The following CCNT2 variants were observed in gnomAD, a reference collection of about 807,000 sequenced individuals.
The protein encoded by CCNT2 is cyclin T2, also known as cyclin-T2.
A neutral mutation model predicts 70.0 loss-of-function variants in CCNT2; 18 were observed. That is an observed-to-expected ratio of 0.26 (90% CI 0.18 to 0.38). The LOEUF is 0.38. Among genes scored for constraint, CCNT2 ranks in the 10% least tolerant of loss-of-function variants. The probability of loss-of-function intolerance (pLI) is 1.00; values close to 1 mark genes in which losing one functional copy is unlikely to be tolerated. For missense variants in CCNT2, 734 were observed against 890.2 expected (o/e 0.82, Z 2.23); for synonymous variants, 334 against 313.3 (o/e 1.07, Z -0.70).
chr2:134,953,087 CAACAT>C (rs1682647368), intron 8 of CCNT2, 138 bp from the exon 9 acceptor site: 2 of 588,554 alleles, frequency 3.4e-6, no homozygotes, highest in Non-Finnish European at 2.9e-6. Flanking sequence ...TATTTACTGA[CAACAT>C]AAAATCTTGA....
intron 2 of CCNT2, among the ~76,000 whole-genome samples, chr2:134,933,458 G>T (rs566980591): frequency 6.6e-6 from 1 of 152,248 alleles, no homozygotes; most frequent in South Asian, 2.1e-4. Flanking sequence ...ATCAGGAGCA[G>T]AGAGGGGAGA....
chr2:134,953,827 G>C lies in CCNT2; in HGVS notation c.1372G>C (p.Ala458Pro), dbSNP rs754397222. The change falls in exon 9 of 9, where the codon GCT becomes CCT. Residue 458 changes from alanine (A) to proline (P), a missense_variant. Physicochemically the swap from Ala to Pro is conservative, Grantham distance 27. Around this residue, in one of 3 missense-constraint regions of CCNT2, gnomAD observed 532 missense variants for 556.9 expected, o/e 0.96. Transcript: ENST00000264157. ...TCTCGATGTAAGGGATCATTATATA[G>C]CTGCCCAGGTAGAACAGCAGCACAA... The part of the protein sequence containing the change: ...LDLDVRDHYI[A>P]AQVEQQHKQG... 7.4e-6 allele frequency: 12 copies of C among 1,613,932 alleles called. No homozygotes were observed. Among genetic ancestry groups the C allele is most frequent in the Non-Finnish European group, 1.0e-5 (12 of 1,179,966 alleles).
At chr2:134,929,608 A>AG (rs1239156447) in intron 2 of CCNT2, among the ~76,000 whole-genome samples, 2 of 126,096 alleles carry the variant, frequency 1.6e-5, no homozygotes, top group African/African-American at 6.6e-5. Context: ...ACCCTGTCTC[A>AG]AAAACAGAGA....
In CCNT2 at chr2:134,942,626, A is replaced by G. The variant is rs1232922049; in HGVS notation, c.445A>G (p.Ile149Val). The G allele has an allele frequency of 1.2e-6, 2 of 1,610,978 alleles. No individual in the cohort carries two copies. The highest frequency in any genetic ancestry group is 1.3e-5 in the African/African-American group (1 of 74,854). The change falls in exon 5 of 9, where the codon ATT becomes GTT. Residue 149 changes from isoleucine (I) to valine (V), a missense_variant. Ile to Val is a conservative substitution (Grantham distance 29). This residue lies in a region of CCNT2 where 161 missense variants were observed against 303.8 expected (regional missense o/e 0.53). Coordinates refer to ENST00000264157, the MANE Select transcript of CCNT2 (RefSeq NM_058241.3). ...TATCATTTCAGGTTTTGAGATCACC[A>G]TTGAACACCCACACACAGATGTGGT... The part of the protein sequence containing the change: ...MLQTLGFEIT[I>V]EHPHTDVVKC...
At position 134,953,805 on chromosome 2, in the gene CCNT2, C is replaced by T. The variant is rs775650354; in HGVS notation, c.1350C>T (p.Leu450=). 6 of 1,613,644 alleles carry T rather than the reference C, an allele frequency of 3.7e-6. No individual in the cohort carries two copies. Among genetic ancestry groups the T allele is most frequent in the South Asian group, 1.1e-5 (1 of 91,062 alleles). The change falls in exon 9 of 9, where the codon CTC becomes CTT. Residue 450 remains leucine (L), a synonymous_variant. Transcript: ENST00000264157. The part of the protein sequence containing the change: ...REKRKLETLD[L]DVRDHYIAAQ... ...AGCGTAAACTAGAAACTCTTGATCT[C>T]GATGTAAGGGATCATTATATAGCTG... is the stretch of plus-strand genomic sequence containing the variant.
At chr2:134,938,496 A>G (rs1224623093) in intron 3 of CCNT2, among the ~76,000 whole-genome samples, 4 of 152,280 alleles carry the variant, frequency 2.6e-5, no homozygotes, top group Non-Finnish European at 5.9e-5. Flanking sequence ...TATGAGATAC[A>G]TTATTTTGGT....
At chr2:134,951,051 T>G (rs1682464423) in intron 7 of CCNT2, among the ~76,000 whole-genome samples, 1 of 151,970 alleles carries the variant, frequency 6.6e-6, no homozygotes, top group Non-Finnish European at 1.5e-5. Context: ...TTTTTTTTCT[T>G]TTTTTTTCAA....
At position 134,954,515 on chromosome 2, in the gene CCNT2, T is replaced by C. The variant is rs980823069; in HGVS notation, c.2060T>C (p.Leu687Pro). The C allele has an allele frequency of 2.5e-6, 4 of 1,614,032 alleles. No homozygotes were observed. The African/African-American group carries it at 5.3e-5, about 22-fold the overall frequency. The change falls in exon 9 of 9, where the codon CTG (leucine) becomes CCG (proline). Residue 687 changes from leucine to proline, a missense_variant. Leu to Pro is a moderately conservative substitution (Grantham distance 98). Coordinates refer to ENST00000264157, the MANE Select transcript of CCNT2 (RefSeq NM_058241.3). ...GGACATCTCAGCACCCTCGTGAAAC[T>C]GGACAAGAAGCCAGTGGAGACCAAC... The part of the protein sequence containing the change: ...GYGHLSTLVK[L>P]DKKPVETNGP...
intron 2 of CCNT2, among the ~76,000 whole-genome samples, chr2:134,929,632 A>G (rs1465913767): frequency 2.2e-5 from 3 of 134,446 alleles, no homozygotes; most frequent in Non-Finnish European, 3.1e-5. Context: ...AGAGAGAGAG[A>G]GAGAACTAAT....
At chr2:134,928,304 G>GTTTTTTTTTTTTT (rs1680456120) in intron 2 of CCNT2, among the ~76,000 whole-genome samples, 1 of 97,710 alleles carries the variant, frequency 1.0e-5, no homozygotes, top group Non-Finnish European at 2.0e-5. Context: ...CTGAGACGGA[G>GTTTTTTTTTTTTT]TTTCATTCTT....
rs1330355982 is a variant in CCNT2, at chr2:134,953,172, A to G, written c.775-58A>G. 3 of 1,228,632 alleles carry G rather than the reference A, an allele frequency of 2.4e-6. No individual in the cohort carries two copies. In the African/African-American group the frequency reaches 4.6e-5, roughly 19 times the overall value. 76.1% of individuals were successfully genotyped at this position (1,228,632 alleles called of 1,614,324 possible). A position where few individuals can be genotyped will look rare whatever the true frequency, so the allele number is the denominator to read the frequency against. ...TAATATATAACTTTTATAAGACAAG[A>G]AATTTGCATTAAATTATTTTGCTAT... is the stretch of plus-strand genomic sequence containing the variant. On this transcript the variant is annotated intron_variant, in intron 8 of 8. Coordinates refer to ENST00000264157, the MANE Select transcript of CCNT2 (RefSeq NM_058241.3).
chr2:134,934,740 A>G (rs554646443), intron 2 of CCNT2, among the ~76,000 whole-genome samples: 1 of 152,320 alleles, frequency 6.6e-6, no homozygotes, highest in East Asian at 1.9e-4. Context: ...GCTGGAAAGT[A>G]TTTCTTGATC....
In CCNT2 at chr2:134,943,425, G is replaced by A. The variant is rs189088418; in HGVS notation, c.493+751G>A. 3.0e-6 allele frequency: 3 copies of A among 985,052 alleles called. No homozygotes were observed. In the East Asian group the frequency reaches 3.4e-4, roughly 112 times the overall value. 61.0% of individuals were successfully genotyped at this position (985,052 alleles called of 1,614,324 possible). Reference sequence around the variant, plus strand: ...TCAAAAAAAAAAGTTATTTTTGTGGGGGGAGTGTTTTGCCCATATTCATTT... The same window carrying A: ...TCAAAAAAAAAAGTTATTTTTGTGGAGGGAGTGTTTTGCCCATATTCATTT... On this transcript the variant is annotated intron_variant, in intron 5 of 8. Coordinates refer to ENST00000264157, the MANE Select transcript of CCNT2 (RefSeq NM_058241.3).
rs1229118110 is a variant in CCNT2, at chr2:134,954,943, G to A, written c.*295G>A. ...TGGCTGGCTGCTTCTAGGAATATAAGATGCCTCAAGCATTCATTATTTATG... is the reference window on the plus strand; with the variant it reads ...TGGCTGGCTGCTTCTAGGAATATAAAATGCCTCAAGCATTCATTATTTATG... On this transcript the variant is annotated 3_prime_UTR_variant, in exon 9 of 9. Transcript: ENST00000264157. 2 of 291,190 alleles carry A rather than the reference G, an allele frequency of 6.9e-6. No individual in the cohort carries two copies. Among genetic ancestry groups the A allele is most frequent in the African/African-American group, 4.3e-5 (2 of 46,708 alleles). 18.0% of individuals were successfully genotyped at this position (291,190 alleles called of 1,614,324 possible).
At chr2:134,934,183 A>G (rs922714309) in intron 2 of CCNT2, among the ~76,000 whole-genome samples, 7 of 152,258 alleles carry the variant, frequency 4.6e-5, no homozygotes, top group African/African-American at 1.7e-4. Flanking sequence ...TCTAAACACT[A>G]TTCGCATCAA....
At chr2:134,938,690 C>G (rs1049328102) in intron 3 of CCNT2, among the ~76,000 whole-genome samples, 8 of 152,184 alleles carry the variant, frequency 5.3e-5, no homozygotes, top group African/African-American at 1.9e-4. Context: ...TTTAATATCT[C>G]TTGAAGCACC....
At chr2:134,951,876 G>A (rs1682529679) in intron 7 of CCNT2, among the ~76,000 whole-genome samples, 1 of 152,106 alleles carries the variant, frequency 6.6e-6, no homozygotes, top group Non-Finnish European at 1.5e-5. Context: ...AGGATCCCAT[G>A]TTCCATTTAG....
chr2:134,946,293 G>A, intron 6 of CCNT2, 147 bp downstream of exon 6: 1 of 1,242,266 alleles, frequency 8.0e-7, no homozygotes, highest in Non-Finnish European at 1.1e-6. Context: ...GCTTTGCGGT[G>A]TATTGTACAA....
intron 2 of CCNT2, 73 bp downstream of exon 2, chr2:134,919,964 A>G: frequency 2.0e-6 from 2 of 1,018,854 alleles, no homozygotes; most frequent in Non-Finnish European, 3.1e-6. Context: ...AAAGTTGGTC[A>G]TTGCGTTGTT....
Sources: gnomAD v4.1 joint callset for allele counts (sites outside exome capture counted in the v4.1 genomes callset) on GRCh38, gnomAD v4.1.1 for gene constraint, gnomAD v4.1.1 regional missense constraint, MANE v1.5 for transcripts, NCBI Gene and HGNC (gene_info 2026-07-23, HGNC 2026-07-21) for gene names.